The following LRFN2 variants were observed in gnomAD, a reference collection of about 807,000 sequenced individuals.
The protein encoded by LRFN2 is leucine-rich repeat and fibronectin type-III domain-containing protein 2.
LRFN2 carries 18 observed loss-of-function variants against 37.3 expected under a neutral mutation model. The ratio of observed to expected loss-of-function variants is 0.48; its 90% CI spans 0.33 to 0.72. The LOEUF (loss-of-function observed/expected upper bound fraction) is 0.72. Among genes scored for constraint, LRFN2 ranks in the 30% least tolerant of loss-of-function variants. The pLI is 0.02. For missense variants in LRFN2, 1,006 were observed against 1,060.7 expected, an observed-to-expected ratio of 0.95 and a Z score of 0.72; for synonymous variants, 556 against 466.6, an observed-to-expected ratio of 1.19 and a Z score of -2.47.
chr6:40,546,237 G>A (rs1182155697), intron 1 of LRFN2, among the ~76,000 whole-genome samples: 3 of 152,228 alleles, frequency 2.0e-5, no homozygotes, highest in Non-Finnish European at 4.4e-5. Flanking sequence ...GCCCAGAGAA[G>A]CGGGGCCTTG....
intron 1 of LRFN2, among the ~76,000 whole-genome samples, chr6:40,454,570 G>T (rs1222149586): frequency 1.3e-5 from 2 of 152,090 alleles, no homozygotes; most frequent in Admixed American, 1.3e-4. Context: ...TTTGTGATTG[G>T]CCATCTCTCA....
chr6:40,559,812 G>A (rs147917005), intron 1 of LRFN2, among the ~76,000 whole-genome samples: 4 of 152,262 alleles, frequency 2.6e-5, no homozygotes, highest in East Asian at 1.9e-4. Flanking sequence ...CATCCTGGAC[G>A]GGCTCCCCAG....
At chr6:40,488,912 A>G (rs1010203237) in intron 1 of LRFN2, among the ~76,000 whole-genome samples, 4 of 152,192 alleles carry the variant, frequency 2.6e-5, no homozygotes, top group African/African-American at 7.2e-5. Flanking sequence ...AACCAAAGGA[A>G]GGGAACTGAC....
chr6:40,484,454 C>G (rs186356553), intron 1 of LRFN2, among the ~76,000 whole-genome samples: 1 of 152,338 alleles, frequency 6.6e-6, no homozygotes, highest in African/African-American at 2.4e-5. Flanking sequence ...CGGTGCCTCT[C>G]TCACCATAAT....
At chr6:40,566,853 G>A (rs548681203) in intron 1 of LRFN2, among the ~76,000 whole-genome samples, 1 of 152,076 alleles carries the variant, frequency 6.6e-6, no homozygotes, top group South Asian at 2.1e-4. Context: ...CCTGCACATT[G>A]TGCACATGTA....
chr6:40,431,885 C>G lies in LRFN2; in HGVS notation c.1229G>C (p.Gly410Ala). 1 of 1,607,796 alleles carries G rather than the reference C, an allele frequency of 6.2e-7. No homozygotes were observed. The highest frequency in any genetic ancestry group is 8.5e-7 in the Non-Finnish European group (1 of 1,176,032). Residue 410 changes from glycine (G) to alanine (A), a missense_variant, in exon 2 of 3, where the codon GGA becomes GCA. Physicochemically the swap from Gly to Ala is moderately conservative, Grantham distance 60 (BLOSUM62 0). This residue lies in a region of LRFN2 where 303 missense variants were observed against 299.8 expected (regional missense o/e 1.01). Transcript: ENST00000338305. ...TGSSKTSRGG[G>A]GSGGGEPPKS... Reference sequence around the variant, plus strand: ...GGGAGGCTCTCCGCCCCCACTGCCTCCACCTCCCCGGCTGGTCTTGCTGGA... The same window carrying G: ...GGGAGGCTCTCCGCCCCCACTGCCTGCACCTCCCCGGCTGGTCTTGCTGGA...
At chr6:40,474,389 A>G (rs377398414) in intron 1 of LRFN2, among the ~76,000 whole-genome samples, 4 of 152,078 alleles carry the variant, frequency 2.6e-5, no homozygotes, top group Admixed American at 6.5e-5. Flanking sequence ...CTGTCTTTAC[A>G]TGGCTGTCTT....
At chr6:40,393,752 C>A (rs56084097) in intron 2 of LRFN2, among the ~76,000 whole-genome samples, 20,651 of 152,168 alleles carry the variant, frequency 0.14, 1,453 homozygotes, top group South Asian at 0.26. Context: ...CGATCCCCAT[C>A]AACACTTTCT....
intron 2 of LRFN2, among the ~76,000 whole-genome samples, chr6:40,418,771 T>A (rs551192100): frequency 1.3e-5 from 2 of 152,158 alleles, no homozygotes; most frequent in Non-Finnish European, 2.9e-5. Flanking sequence ...TCACACCTCA[T>A]AGGGTTAACA....
chr6:40,539,574 T>C (rs1766514579), intron 1 of LRFN2, among the ~76,000 whole-genome samples: 1 of 152,008 alleles, frequency 6.6e-6, no homozygotes, highest in Admixed American at 6.6e-5. Flanking sequence ...GAAAACAGAA[T>C]CTCTACCCTC....
chr6:40,529,371 A>C (rs1468311534), intron 1 of LRFN2, among the ~76,000 whole-genome samples: 1 of 152,224 alleles, frequency 6.6e-6, no homozygotes, highest in Non-Finnish European at 1.5e-5. Context: ...CAAACAAAAT[A>C]AAGAAAATGT....
intron 1 of LRFN2, among the ~76,000 whole-genome samples, chr6:40,505,904 T>C (rs1203217805): frequency 6.6e-6 from 1 of 151,948 alleles, no homozygotes; most frequent in Non-Finnish European, 1.5e-5. Flanking sequence ...TGGGCAGGGG[T>C]CTGGGGCTCA....
At chr6:40,523,691 G>C (rs189911020) in intron 1 of LRFN2, 2 of 152,146 alleles carry the variant, frequency 1.3e-5, no homozygotes, top group Non-Finnish European at 2.9e-5. Flanking sequence ...TCTATCATTG[G>C]CCCTGTTTAC....
At chr6:40,501,236 A>T (rs2113876357) in intron 1 of LRFN2, among the ~76,000 whole-genome samples, 1 of 151,762 alleles carries the variant, frequency 6.6e-6, no homozygotes, top group South Asian at 2.1e-4. Flanking sequence ...AAAGCACAAA[A>T]TGTTATCAGA....
rs113767600 is a variant in LRFN2, at chr6:40,477,995, C to T, written c.-18-44864G>A. 2.7e-3 allele frequency among the ~76,000 whole-genome samples: 411 copies of T among 152,312 alleles called. 2 individuals carry two copies. The highest frequency in any genetic ancestry group is 8.9e-3 in the African/African-American group (368 of 41,580). ...GTAAACCTGTTTGTGGCTTCTCCTC[C>T]GTGTCATAATTAAAGAGACAGTTGA... On this transcript the variant is annotated intron_variant, in intron 1 of 2. Transcript: ENST00000338305.
At chr6:40,444,187 G>T (rs1459863077) in intron 1 of LRFN2, among the ~76,000 whole-genome samples, 3 of 152,176 alleles carry the variant, frequency 2.0e-5, no homozygotes, top group African/African-American at 7.2e-5. Context: ...GCACAGACAG[G>T]TAGTCCTTCT....
At position 40,392,214 on chromosome 6, in the gene LRFN2, C is replaced by G. The variant is rs954414502; in HGVS notation, c.2099G>C (p.Gly700Ala). ...GHHSDREPLL[G>A]PPAARARSLL... ...GCTCCTGGCCCGGGCCGCAGGGGGC[C>G]CCAGCAGTGGCTCTCGGTCCGAGTG... Residue 700 changes from glycine to alanine, a missense_variant, in exon 3 of 3, where the codon GGG becomes GCG. Physicochemically the swap from Gly to Ala is moderately conservative, Grantham distance 60. Transcript: ENST00000338305. The surrounding 1 kb of genome is among the most constrained non-coding windows in gnomAD (Gnocchi z 4.7). The G allele has an allele frequency of 6.4e-7, 1 of 1,570,902 alleles. No homozygotes were observed. Among genetic ancestry groups the G allele is most frequent in the Non-Finnish European group, 8.6e-7 (1 of 1,159,694 alleles).
intron 2 of LRFN2, among the ~76,000 whole-genome samples, chr6:40,420,357 A>G (rs567788605): frequency 1.3e-5 from 2 of 152,362 alleles, no homozygotes; most frequent in South Asian, 4.1e-4. Flanking sequence ...CCCATCACAC[A>G]CATTCATGCC....
chr6:40,414,385 C>A (rs1411224976), intron 2 of LRFN2, among the ~76,000 whole-genome samples: 1 of 152,146 alleles, frequency 6.6e-6, no homozygotes, highest in South Asian at 2.1e-4. Context: ...TCAGTTCCCC[C>A]CTCCTCCCCG....
Sources: gnomAD v4.1 joint callset for allele counts (sites outside exome capture counted in the v4.1 genomes callset) on GRCh38, gnomAD v4.1.1 for gene constraint, gnomAD v4.1.1 regional missense constraint, Gnocchi (gnomAD v3.1) non-coding constraint, MANE v1.5 for transcripts, NCBI Gene and HGNC (gene_info 2026-07-23, HGNC 2026-07-21) for gene names.